The following CSRNP1 variants were observed in gnomAD, a reference collection of about 807,000 sequenced individuals.
CSRNP1 encodes the protein cysteine/serine-rich nuclear protein 1.
A neutral mutation model predicts 25.0 loss-of-function variants in CSRNP1; 8 were observed. The ratio of observed to expected loss-of-function variants is 0.32; its 90% CI spans 0.19 to 0.58. The LOEUF is 0.58. CSRNP1 is among the 20% of genes least tolerant of loss of function. The probability of loss-of-function intolerance (pLI) is 0.88; values close to 1 mark genes in which losing one functional copy is unlikely to be tolerated. For synonymous variants in CSRNP1, 305 were observed against 303.1 expected (o/e 1.01, Z -0.06); for missense variants, 691 against 773.1 (o/e 0.89, Z 1.26).
chr3:39,152,634 T>C (rs1287096408), intron 1 of CSRNP1: 1 of 153,760 alleles, frequency 6.5e-6, no homozygotes, highest in Non-Finnish European at 1.5e-5. Flanking sequence ...GCTGTGTGTG[T>C]TTGTGCCGGG....
Position 39,142,100 on chromosome 3 carries a change from G to A in CSRNP1, c.*955C>T, listed in dbSNP as rs1405139362. The A allele has an allele frequency of 6.6e-6, 1 of 152,560 alleles. No individual in the cohort carries two copies. Among genetic ancestry groups the A allele is most frequent in the African/African-American group, 2.4e-5 (1 of 41,480 alleles). The allele number at this position is 152,560 out of a possible 1,614,324, so 9.5% of individuals were successfully genotyped here. ...CCTCAGGAGCCACCCCTCGCCAACT[G>A]GCCTCAGGGCATGGGCAGGTGGGCC... On this transcript the variant is annotated 3_prime_UTR_variant, in exon 5 of 5. Transcript: ENST00000273153.
chr3:39,143,757 A>G lies in CSRNP1; in HGVS notation c.1068T>C (p.Ser356=), dbSNP rs784519. ...NSCSSDMTDS[S]TASSSASGTS... is the part of the protein sequence containing the mutation. ...TGCCCGATGCTGATGAAGATGCTGT[A>G]GAAGAATCAGTCATGTCGCTGCTGC... Residue 356 remains serine (S), a synonymous_variant, in exon 5 of 5, where the codon TCT becomes TCC. Coordinates refer to ENST00000273153, the MANE Select transcript of CSRNP1 (RefSeq NM_033027.4). The G allele has an allele frequency of 0.88, 1,420,726 of 1,614,182 alleles. 625,801 individuals carry two copies. The highest frequency in any genetic ancestry group is 0.94 in the Admixed American group (56,697 of 60,030).
At position 39,143,097 on chromosome 3, in the gene CSRNP1, C is replaced by G; in HGVS notation, c.1728G>C (p.Glu576Asp). 6.2e-7 allele frequency: 1 copy of G among 1,607,874 alleles called. No homozygotes were observed. The change falls in exon 5 of 5, where the codon GAG (glutamate) becomes GAC (aspartate). Residue 576 changes from glutamate to aspartate, a missense_variant. Coordinates refer to ENST00000273153, the MANE Select transcript of CSRNP1 (RefSeq NM_033027.4). ...CCATTAGAGATGCTGGGACAGTGTCCTCAAACTGGCTGTCAATAAAGGGAT... is the reference window on the plus strand; with the variant it reads ...CCATTAGAGATGCTGGGACAGTGTCGTCAAACTGGCTGTCAATAAAGGGAT... ...ALDPFIDSQF[E>D]DTVPASLMEP...
In CSRNP1 at chr3:39,143,481, G is replaced by C. The variant is rs1380473529; in HGVS notation, c.1344C>G (p.Ser448Arg). The change falls in exon 5 of 5, where the codon AGC (serine) becomes AGG (arginine). Residue 448 changes from serine (S) to arginine (R), a missense_variant. Physicochemically the swap from Ser to Arg is moderately radical, Grantham distance 110. Transcript: ENST00000273153. ...TCTCATCCAGGACGCCTGATGTGAA[G>C]CTACAGCCAGAATAGCTGTGGGTCC... ...ASWTHSYSGC[S>R]FTSGVLDENA... 3.1e-6 allele frequency: 5 copies of C among 1,614,136 alleles called. No individual in the cohort carries two copies. Among genetic ancestry groups the C allele is most frequent in the Non-Finnish European group, 4.2e-6 (5 of 1,179,974 alleles).
intron 1 of CSRNP1, chr3:39,148,303 G>A (rs967954166): frequency 2.0e-5 from 3 of 152,296 alleles, no homozygotes; most frequent in African/African-American, 7.2e-5. Flanking sequence ...TGACCAGCAG[G>A]TTCTCCCAGG....
chr3:39,148,118 C>T (rs1221510423), intron 1 of CSRNP1, among the ~76,000 whole-genome samples: 1 of 152,184 alleles, frequency 6.6e-6, no homozygotes, highest in Non-Finnish European at 1.5e-5. Flanking sequence ...CAGGGACAGC[C>T]TCCCCTAGGC....
intron 2 of CSRNP1, among the ~76,000 whole-genome samples, chr3:39,145,798 A>C (rs2039500688): frequency 6.6e-6 from 1 of 152,226 alleles, no homozygotes; most frequent in African/African-American, 2.4e-5. Flanking sequence ...TTCTGTTTAT[A>C]CTGTTAGATT....
At chr3:39,154,610 CT>C (rs1309848240), upstream of CSRNP1, 2 of 152,674 alleles carry the variant, frequency 1.3e-5, no homozygotes, top group Non-Finnish European at 2.9e-5. Context: ...TCAGCTTGCA[CT>C]GCCTCCTCCA....
rs574676260 is a variant in CSRNP1, at chr3:39,144,292, C to T, written c.625G>A (p.Ala209Thr). The change falls in exon 4 of 5, where the codon GCT becomes ACT. Residue 209 changes from alanine (A) to threonine (T), a missense_variant. By Grantham distance (58) the Ala-to-Thr change is moderately conservative. Transcript: ENST00000273153. The part of the protein sequence containing the change: ...LQPYPARRRR[A>T]LLRASGVRRI... ...CGCACACCTGAAGCCCTCAGCAGAG[C>T]TCGACGTCGCCGGGCTGGGTAGGGC... is the stretch of plus-strand genomic sequence containing the variant. 6 of 1,614,182 alleles carry T rather than the reference C, an allele frequency of 3.7e-6. No homozygotes were observed. The East Asian group carries it at 8.9e-5, about 24-fold the overall frequency.
chr3:39,146,709 T>C lies in CSRNP1; in HGVS notation c.-27A>G. The C allele has an allele frequency of 6.4e-7, 1 of 1,552,266 alleles. No individual in the cohort carries two copies. The highest frequency in any genetic ancestry group is 1.4e-5 in the African/African-American group (1 of 73,122). The stretch of plus-strand genomic sequence containing the variant: ...GTGGTGCCGGACGTGCTCTGGGGTC[T>C]GGGGACAGACAGCCTGGAATAGGAA... On this transcript the variant is annotated 5_prime_UTR_variant, in exon 2 of 5. Transcript: ENST00000273153.
chr3:39,148,005 G>A (rs1029309358), intron 1 of CSRNP1, among the ~76,000 whole-genome samples: 3 of 152,140 alleles, frequency 2.0e-5, no homozygotes, highest in East Asian at 1.9e-4. Context: ...CTCTACTCAG[G>A]TGTCCTTTCC....
At position 39,145,051 on chromosome 3, in the gene CSRNP1, G is replaced by A. The variant is rs757603631; in HGVS notation, c.411C>T (p.His137=). The A allele has an allele frequency of 1.8e-5, 29 of 1,613,912 alleles. No homozygotes were observed. The highest frequency in any genetic ancestry group is 2.4e-5 in the Non-Finnish European group (28 of 1,179,894). ...CTTTCAAGCGCTGGCGGAGCTTCTC[G>A]TGCCGTGCACGGGCTTGCTCCTGCG... The part of the protein sequence containing the change: ...EFAQEQARAR[H]EKLRQRLKEE... The change falls in exon 3 of 5, where the codon CAC becomes CAT. Residue 137 remains histidine (H), a synonymous_variant. Coordinates refer to ENST00000273153, the MANE Select transcript of CSRNP1 (RefSeq NM_033027.4).
At chr3:39,154,101 T>G (rs979110065), upstream of CSRNP1, 3 of 150,954 alleles carry the variant, frequency 2.0e-5, no homozygotes, top group Non-Finnish European at 4.4e-5. Context: ...CACCCCCAGA[T>G]CCGCCGGAAA....
chr3:39,153,332 G>A (rs1360607084), intron 1 of CSRNP1, 106 bp downstream of exon 1: 1 of 166,840 alleles, frequency 6.0e-6, no homozygotes, highest in African/African-American at 2.4e-5. Flanking sequence ...CCCGCTCAGG[G>A]TGCCGGGGAG....
At position 39,143,611 on chromosome 3, in the gene CSRNP1, T is replaced by C. The variant is rs1332816359; in HGVS notation, c.1214A>G (p.Glu405Gly). 7 of 1,613,914 alleles carry C rather than the reference T, an allele frequency of 4.3e-6. No homozygotes were observed. Among genetic ancestry groups the C allele is most frequent in the Non-Finnish European group, 5.1e-6 (6 of 1,179,972 alleles). ...GCTCCCTTCCTCCTCTTCCTCCTCC[T>C]CCCCACCGAAGTCAGAGTCACTGAA... ...LSFSDSDFGGEEEEEEEGSVG... is the reference protein window; with the variant it reads ...LSFSDSDFGGGEEEEEEGSVG... The change falls in exon 5 of 5, where the codon GAG becomes GGG. Residue 405 changes from glutamate (E) to glycine (G), a missense_variant. Transcript: ENST00000273153.
chr3:39,152,274 G>A (rs1375920460), intron 1 of CSRNP1: 2 of 152,572 alleles, frequency 1.3e-5, no homozygotes, highest in East Asian at 1.9e-4. Context: ...CCGCGAGGCT[G>A]AGCCTGGGCT....
rs200798768 is a variant in CSRNP1, at chr3:39,145,097, C to T, written c.365G>A (p.Arg122His). Residue 122 changes from arginine (R) to histidine (H), a missense_variant, in exon 3 of 5, where the codon CGC (arginine) becomes CAC (histidine). Coordinates refer to ENST00000273153, the MANE Select transcript of CSRNP1 (RefSeq NM_033027.4). Reference protein sequence around the residue: ...GMALRHSACRRFSLAEFAQEQ... With the variant: ...GMALRHSACRHFSLAEFAQEQ... ...CTGCGCAAACTCAGCCAAAGAGAAG[C>T]GACGGCAAGCACTGTGGCGAAGGGC... The T allele has an allele frequency of 2.7e-5, 43 of 1,614,282 alleles. No individual in the cohort carries two copies. In the East Asian group the frequency reaches 5.3e-4, roughly 20 times the overall value.
At chr3:39,144,928 G>C in intron 3 of CSRNP1, 69 bp downstream of exon 3, 7 of 1,437,832 alleles carry the variant, frequency 4.9e-6, no homozygotes, top group Non-Finnish European at 5.7e-6. Context: ...CCCCTGGTAC[G>C]CCCACCCCTC....
At position 39,143,739 on chromosome 3, in the gene CSRNP1, T is replaced by C; in HGVS notation, c.1086A>G (p.Ala362=). ...AGTCAGGAGCCTCACTAGTGCCCGA[T>C]GCTGATGAAGATGCTGTAGAAGAAT... ...MTDSSTASSS[A]SGTSEAPDCP... The change falls in exon 5 of 5, where the codon GCA becomes GCG. Residue 362 remains alanine (A), a synonymous_variant. Coordinates refer to ENST00000273153, the MANE Select transcript of CSRNP1 (RefSeq NM_033027.4). 1.9e-6 allele frequency: 3 copies of C among 1,614,096 alleles called. No individual in the cohort carries two copies. Among genetic ancestry groups the C allele is most frequent in the Non-Finnish European group, 2.5e-6 (3 of 1,179,970 alleles).
Sources: allele counts gnomAD v4.1 joint callset (sites outside exome capture counted in the v4.1 genomes callset), GRCh38; gene constraint gnomAD v4.1.1; transcripts MANE v1.5; gene names NCBI Gene and HGNC (gene_info 2026-07-23, HGNC 2026-07-21).